Variants in ADAM17 observed in about 807,000 individuals in gnomAD.
The protein encoded by ADAM17 is disintegrin and metalloproteinase domain-containing protein 17.
In ADAM17, 39 loss-of-function variants were observed where a neutral mutation model predicts 96.7. The observed-to-expected ratio is 0.40, with a 90% CI of 0.31 to 0.53. The LOEUF is 0.53. ADAM17 is among the 20% of genes least tolerant of loss of function. ADAM17 has a pLI of 0.44. For synonymous variants in ADAM17, 344 were observed against 359.2 expected (o/e 0.96, Z 0.48); for missense variants, 777 against 1,013.2 (o/e 0.77, Z 3.17).
intron 13 of ADAM17, among the ~76,000 whole-genome samples, chr2:9,501,208 T>C (rs1237438601): frequency 6.6e-6 from 1 of 151,822 alleles, no homozygotes; most frequent in Non-Finnish European, 1.5e-5. Context: ...TATAAAGAGA[T>C]GCTCAAGAAA....
At chr2:9,516,181 T>A (rs557192970) in intron 10 of ADAM17, among the ~76,000 whole-genome samples, 14 of 152,358 alleles carry the variant, frequency 9.2e-5, no homozygotes, top group African/African-American at 3.1e-4. Context: ...TGTCTGTTTT[T>A]AAATTAGGTT....
chr2:9,490,381 C>T lies in ADAM17; in HGVS notation c.2271G>A (p.Gln757=). Residue 757 remains glutamine (Q), a synonymous_variant, in exon 19 of 19, where the codon CAG becomes CAA. Transcript: ENST00000310823. ...SAPAAPKLDH[Q]RMDTIQEDPS... ...GGTCTTCCTGGATGGTGTCCATTCT[C>T]TGGTGGTCCAGTTTTGGAGCTGCTG... 1.2e-6 allele frequency: 2 copies of T among 1,614,154 alleles called. No individual in the cohort carries two copies.
Position 9,497,386 on chromosome 2 carries a change from G to A in ADAM17, c.1649-138C>T, listed in dbSNP as rs533985812. The A allele has an allele frequency of 3.1e-5, 34 of 1,097,568 alleles. No homozygotes were observed. In the Admixed American group the frequency reaches 3.5e-4, roughly 11 times the overall value. The allele number at this position is 1,097,568 out of a possible 1,614,324, so 68.0% of individuals were successfully genotyped here. ...AAAGTGACCTACAGAGCTAGGACAA[G>A]AGCCTGCATCTCACCAGCAATCAGC... is the stretch of plus-strand genomic sequence containing the variant. On this transcript the variant is annotated intron_variant, in intron 13 of 18. Transcript: ENST00000310823.
At chr2:9,538,004 A>G (rs138658345) in intron 2 of ADAM17, among the ~76,000 whole-genome samples, 34 of 2,210 alleles carry the variant, frequency 0.015, 1 homozygote, top group African/African-American at 0.041. Context: ...GGGGAGGGGA[A>G]GGGAGGGGAG....
chr2:9,555,078 G>A (rs1352600637), intron 1 of ADAM17, among the ~76,000 whole-genome samples: 1 of 151,892 alleles, frequency 6.6e-6, no homozygotes, highest in African/African-American at 2.4e-5. Flanking sequence ...CTCCTTCGAG[G>A]ACCAGGAAGA....
At chr2:9,522,797 G>A (rs1352849910) in intron 7 of ADAM17, among the ~76,000 whole-genome samples, 2 of 152,124 alleles carry the variant, frequency 1.3e-5, no homozygotes, top group African/African-American at 2.4e-5. Flanking sequence ...TCTGTTAACA[G>A]ATTACAAGAA....
chr2:9,552,360 A>G (rs1306824330), intron 1 of ADAM17, among the ~76,000 whole-genome samples: 1 of 152,220 alleles, frequency 6.6e-6, no homozygotes, highest in Non-Finnish European at 1.5e-5. Context: ...CTCTTGAAAT[A>G]TGGTTTATCT....
intron 1 of ADAM17, among the ~76,000 whole-genome samples, chr2:9,551,340 T>G (rs1181037018): frequency 6.6e-6 from 1 of 152,192 alleles, no homozygotes; most frequent in Non-Finnish European, 1.5e-5. Context: ...TTATCCAAAA[T>G]GCTTGAGACC....
rs531696522 is a variant in ADAM17 at position 9,497,308 on chromosome 2, G to A, written c.1649-60C>T. On this transcript the variant is annotated intron_variant, in intron 13 of 18. Coordinates refer to ENST00000310823, the MANE Select transcript of ADAM17 (RefSeq NM_003183.6). ...AGTCACAGGTCCACCAGTTCTACAG[G>A]TGCATAATACGCTGTTTCTCATACA... 3.4e-5 allele frequency: 55 copies of A among 1,599,080 alleles called. 1 individual carries two copies. In the South Asian group the frequency reaches 4.8e-4, roughly 14 times the overall value.
intron 10 of ADAM17, among the ~76,000 whole-genome samples, chr2:9,511,188 C>T (rs1180973156): frequency 6.6e-6 from 1 of 152,208 alleles, no homozygotes; most frequent in Non-Finnish European, 1.5e-5. Flanking sequence ...GTGGCTCACA[C>T]CTGTAATCCC....
chr2:9,522,705 T>C (rs554822133), intron 7 of ADAM17, among the ~76,000 whole-genome samples: 2 of 152,310 alleles, frequency 1.3e-5, no homozygotes, highest in Non-Finnish European at 2.9e-5. Context: ...CAGAAGCCTT[T>C]TTAATTAGTC....
chr2:9,514,526 T>TATATATATAA (rs1663939742), intron 10 of ADAM17, among the ~76,000 whole-genome samples: 1 of 5,930 alleles, frequency 1.7e-4, no homozygotes, highest in South Asian at 2.7e-3. Flanking sequence ...TAAATATATA[T>TATATATATAA]ATATATATAT....
At chr2:9,521,368 G>C (rs1558513652) in intron 7 of ADAM17, 52 bp from the exon 8 acceptor site, 2 of 1,275,118 alleles carry the variant, frequency 1.6e-6, no homozygotes, top group Non-Finnish European at 2.2e-6. Flanking sequence ...AAGTCAGAAG[G>C]CTCTGAATAC....
chr2:9,497,042 A>G (rs1662664850), intron 14 of ADAM17, 72 bp downstream of exon 14: 3 of 1,569,470 alleles, frequency 1.9e-6, no homozygotes, highest in Non-Finnish European at 8.6e-7. Context: ...CAACCTCCAA[A>G]TGGAGGAAGG....
chr2:9,551,979 A>C (rs962817442), intron 1 of ADAM17, among the ~76,000 whole-genome samples: 1 of 152,200 alleles, frequency 6.6e-6, no homozygotes, highest in African/African-American at 2.4e-5. Flanking sequence ...TACCACTAAC[A>C]GTGAAAAAAT....
chr2:9,503,142 A>G (rs937139586), intron 12 of ADAM17, among the ~76,000 whole-genome samples: 7 of 151,552 alleles, frequency 4.6e-5, no homozygotes, highest in Non-Finnish European at 7.4e-5. Context: ...TCTCTCAAAA[A>G]AAAAAAAAAA....
chr2:9,492,833 T>C, intron 17 of ADAM17, 65 bp downstream of exon 17: 1 of 1,390,250 alleles, frequency 7.2e-7, no homozygotes. Context: ...TTTCCAGAGA[T>C]TACATGGTTG....
intron 2 of ADAM17, among the ~76,000 whole-genome samples, chr2:9,540,910 G>T (rs1665181462): frequency 6.6e-6 from 1 of 152,170 alleles, no homozygotes; most frequent in Admixed American, 6.5e-5. Flanking sequence ...AAGATAACAG[G>T]AAACAGGTAA....
At chr2:9,536,931 A>G in intron 2 of ADAM17, 103 bp from the exon 3 acceptor site, 1 of 1,331,032 alleles carries the variant, frequency 7.5e-7, no homozygotes, top group East Asian at 2.5e-5. Flanking sequence ...TGACATTAAT[A>G]AAACACTATG....
Sources: gnomAD v4.1 joint callset for allele counts (sites outside exome capture counted in the v4.1 genomes callset) on GRCh38, gnomAD v4.1.1 for gene constraint, MANE v1.5 for transcripts, NCBI Gene and HGNC (gene_info 2026-07-23, HGNC 2026-07-21) for gene names.